The following TNK2 variants were observed in gnomAD, a reference collection of about 807,000 sequenced individuals.
TNK2 encodes the protein activated CDC42 kinase 1.
Under a neutral mutation model 101.8 loss-of-function variants are expected in TNK2, and 83 were observed. The ratio of observed to expected loss-of-function variants is 0.82; its 90% CI spans 0.68 to 0.98. The LOEUF (loss-of-function observed/expected upper bound fraction) is 0.98. TNK2 is among the 50% of genes least tolerant of loss of function. The probability of loss-of-function intolerance (pLI) is 0.00; values close to 1 mark genes in which losing one functional copy is unlikely to be tolerated. For synonymous variants in TNK2, 804 were observed against 633.0 expected, an observed-to-expected ratio of 1.27 and a Z score of -4.06; for missense variants, 1,665 against 1,483.2, an observed-to-expected ratio of 1.12 and a Z score of -2.01.
chr3:195,866,563 G>A (rs757327845), intron 15 of TNK2, among the ~76,000 whole-genome samples: 1 of 152,204 alleles, frequency 6.6e-6, no homozygotes, highest in Non-Finnish European at 1.5e-5. Flanking sequence ...TGAGAAAGAG[G>A]TGTGCAAATC....
intron 1 of TNK2, chr3:195,891,881 T>A (rs1758620268): frequency 1.0e-6 from 1 of 981,836 alleles, no homozygotes; most frequent in Non-Finnish European, 1.2e-6. Flanking sequence ...GCCCGGCCTG[T>A]TCCCTCTCCC....
At chr3:195,902,485 G>T (rs530985308) in intron 1 of TNK2, among the ~76,000 whole-genome samples, 1 of 151,880 alleles carries the variant, frequency 6.6e-6, no homozygotes, top group Non-Finnish European at 1.5e-5. Flanking sequence ...AGGCGTGGTG[G>T]CATGTGCCTG....
rs960984569 is a variant in TNK2, at chr3:195,885,644, G to T, written c.235-611C>A. The T allele has an allele frequency of 3.2e-6, 4 of 1,249,690 alleles. No individual in the cohort carries two copies. The highest frequency in any genetic ancestry group is 1.5e-5 in the African/African-American group (1 of 64,996). 77.4% of individuals were successfully genotyped at this position (1,249,690 alleles called of 1,614,324 possible). ...TGCTGGGAAGGGGCCTGGGAAGACA[G>T]CTGGGTCTCTGGAGGGGCGCCTAGA... On this transcript the variant is annotated intron_variant, in intron 3 of 15. Transcript: ENST00000672887. This position sits in a 1 kb window ranked among gnomAD's most constrained non-coding sequence, Gnocchi z 4.7.
intron 1 of TNK2, 151 bp downstream of exon 1, chr3:195,908,334 G>A (rs1761965042): frequency 6.6e-6 from 1 of 152,580 alleles, no homozygotes; most frequent in South Asian, 2.1e-4. Context: ...GAGAGGTCCT[G>A]CCTTGCCGCT....
In TNK2 at chr3:195,878,489, T is replaced by C; in HGVS notation, c.1118A>G (p.Glu373Gly). 1 of 1,614,000 alleles carries C rather than the reference T, an allele frequency of 6.2e-7. No individual in the cohort carries two copies. Among genetic ancestry groups the C allele is most frequent in the Non-Finnish European group, 8.5e-7 (1 of 1,180,038 alleles). Residue 373 changes from glutamate (E) to glycine (G), a missense_variant, in exon 8 of 16, where the codon GAG becomes GGG. By Grantham distance (98) the Glu-to-Gly change is moderately conservative. Around this residue, in one of 3 missense-constraint regions of TNK2, gnomAD observed 490 missense variants for 522.5 expected, o/e 0.94. Transcript: ENST00000672887. The surrounding 1 kb of genome is among the most constrained non-coding windows in gnomAD (Gnocchi z 4.7). ...VMVQCWAHKPEDRPTFVALRD... is the reference protein window; with the variant it reads ...VMVQCWAHKPGDRPTFVALRD... ...CAGGGCCACAAACGTGGGTCTGTCC[T>C]CTGGCTTGTGAGCCCAGCACTGGAC...
At chr3:195,867,288 C>T in intron 13 of TNK2, 24 bp from the exon 14 acceptor site, 1 of 1,612,226 alleles carries the variant, frequency 6.2e-7, no homozygotes, top group Non-Finnish European at 8.5e-7. Flanking sequence ...CCCCTGTCAG[C>T]ACCACTAGGG....
In TNK2 at chr3:195,882,471, C is replaced by T; in HGVS notation, c.610-143G>A. The T allele has an allele frequency of 1.9e-6, 3 of 1,545,958 alleles. No individual in the cohort carries two copies. The highest frequency in any genetic ancestry group is 2.6e-6 in the Non-Finnish European group (3 of 1,147,524). The stretch of plus-strand genomic sequence containing the variant: ...TTCCTGGCCTGCTGTCTGGGGACCT[C>T]TAGGAGTCCTGCAGTTTCTCAGGCC... On this transcript the variant is annotated intron_variant, in intron 5 of 15. Coordinates refer to ENST00000672887, the MANE Select transcript of TNK2 (RefSeq NM_001382273.1). The surrounding 1 kb of genome is among the most constrained non-coding windows in gnomAD (Gnocchi z 4.2).
At chr3:195,887,773 G>A (rs914491650) in intron 2 of TNK2, among the ~76,000 whole-genome samples, 22 of 127,598 alleles carry the variant, frequency 1.7e-4, no homozygotes, top group Middle Eastern at 3.6e-3. Flanking sequence ...ACGTGTGTGC[G>A]TCTGCGCGCG....
chr3:195,873,109 C>T (rs1323755042), intron 9 of TNK2, among the ~76,000 whole-genome samples: 8 of 152,330 alleles, frequency 5.3e-5, no homozygotes, highest in Non-Finnish European at 7.4e-5. Flanking sequence ...CACCACCTCC[C>T]GGAAGGCCTG....
intron 6 of TNK2, 151 bp downstream of exon 6, chr3:195,881,900 G>A (rs948013851): frequency 1.4e-5 from 12 of 887,622 alleles, no homozygotes; most frequent in Non-Finnish European, 2.0e-5. Context: ...TGGATGGTGA[G>A]CGAATGGGTG....
chr3:195,904,401 T>A (rs534185897), intron 1 of TNK2, among the ~76,000 whole-genome samples: 2 of 152,178 alleles, frequency 1.3e-5, no homozygotes, highest in South Asian at 4.1e-4. Flanking sequence ...GAACCTTGAA[T>A]ACGCTAGGCC....
rs1577048907 is a variant in TNK2 at position 195,878,921 on chromosome 3, T to G, written c.1014+128A>C. ...GGGGCGTGGTGGGAGGCACGGGAAG[T>G]GGGGGGAGGCACGGGGCGTGGGAGG... On this transcript the variant is annotated intron_variant, in intron 7 of 15. Transcript: ENST00000672887. This position sits in a 1 kb window ranked among gnomAD's most constrained non-coding sequence, Gnocchi z 4.7. 1 of 1,418,668 alleles carries G rather than the reference T, an allele frequency of 7.0e-7. No individual in the cohort carries two copies. The allele number at this position is 1,418,668 out of a possible 1,614,324, so 87.9% of individuals were successfully genotyped here. A position where few individuals can be genotyped will look rare whatever the true frequency, so the allele number is the denominator to read the frequency against.
chr3:195,892,042 G>A (rs1758698721), intron 1 of TNK2: 2 of 1,041,550 alleles, frequency 1.9e-6, no homozygotes, highest in Non-Finnish European at 2.3e-6. Flanking sequence ...TCAGTCCAGG[G>A]TGACTCCGCA....
In TNK2 at chr3:195,888,374, A is replaced by C. The variant is rs1757028168; in HGVS notation, c.163+52T>G. On this transcript the variant is annotated intron_variant, in intron 2 of 15. Transcript: ENST00000672887. This position sits in a 1 kb window ranked among gnomAD's most constrained non-coding sequence, Gnocchi z 5.3. ...CCGTGCACCGAGTGGTCCTGAGGAC[A>C]GAGGACGGAAAGGGTCAGGGGCAAG... 1 of 1,584,010 alleles carries C rather than the reference A, an allele frequency of 6.3e-7. No individual in the cohort carries two copies. The highest frequency in any genetic ancestry group is 1.1e-5 in the South Asian group (1 of 87,118).
At chr3:195,870,076 G>A (rs769010418) in intron 11 of TNK2, 38 bp downstream of exon 11, 60 of 1,417,640 alleles carry the variant, frequency 4.2e-5, no homozygotes, top group African/African-American at 1.2e-4. Context: ...CTGAGTAGCC[G>A]ATGAGTTAGG....
intron 12 of TNK2, 188 bp from the exon 13 acceptor site, chr3:195,868,897 G>A (rs1001370152): frequency 1.3e-5 from 8 of 636,280 alleles, no homozygotes; most frequent in Non-Finnish European, 2.1e-5. Context: ...CATCAGGAGG[G>A]CGGAACCTGC....
chr3:195,886,889 G>A lies in TNK2; in HGVS notation c.234+88C>T. On this transcript the variant is annotated intron_variant, in intron 3 of 15. Coordinates refer to ENST00000672887, the MANE Select transcript of TNK2 (RefSeq NM_001382273.1). This position sits in a 1 kb window ranked among gnomAD's most constrained non-coding sequence, Gnocchi z 4.2. ...AGAACGGCGAGATTCGACCTGCCGG[G>A]GAGCTGGGGAAGGTTCCCAGGACCA... 4 of 1,434,818 alleles carry A rather than the reference G, an allele frequency of 2.8e-6. No individual in the cohort carries two copies. The highest frequency in any genetic ancestry group is 1.4e-5 in the African/African-American group (1 of 71,384). 88.9% of individuals were successfully genotyped at this position (1,434,818 alleles called of 1,614,324 possible). A position where few individuals can be genotyped will look rare whatever the true frequency, so the allele number is the denominator to read the frequency against.
At chr3:195,889,917 C>A (rs1399750148) in intron 1 of TNK2, among the ~76,000 whole-genome samples, 1 of 152,164 alleles carries the variant, frequency 6.6e-6, no homozygotes, top group Admixed American at 6.5e-5. Flanking sequence ...CATCCCCCTC[C>A]CCCACTCAGC....
chr3:195,892,150 T>TCTGCATGGTCCTGGC lies in TNK2; in HGVS notation c.-18-3559_-18-3545dup, dbSNP rs368421997. ...CTCCAGAGTTCAAACACTCTCCAATTCTGCATGGTCCTGGCCCCCGCACCT... is the reference window on the plus strand; with the variant it reads ...CTCCAGAGTTCAAACACTCTCCAATTCTGCATGGTCCTGGCCTGCATGGTCCTGGCCCCCGCACCT... On this transcript the variant is annotated intron_variant, in intron 1 of 15. Coordinates refer to ENST00000672887, the MANE Select transcript of TNK2 (RefSeq NM_001382273.1). 1.1e-3 allele frequency: 644 copies of TCTGCATGGTCCTGGC among 571,300 alleles called. 7 individuals carry two copies. The African/African-American group carries it at 0.012, about 10-fold the overall frequency. The allele number at this position is 571,300 out of a possible 1,614,324, so 35.4% of individuals were successfully genotyped here.
Sources: gnomAD v4.1 joint callset for allele counts (sites outside exome capture counted in the v4.1 genomes callset) on GRCh38, gnomAD v4.1.1 for gene constraint, gnomAD v4.1.1 regional missense constraint, Gnocchi (gnomAD v3.1) non-coding constraint, MANE v1.5 for transcripts, NCBI Gene and HGNC (gene_info 2026-07-23, HGNC 2026-07-21) for gene names.